Variants in COG6 observed in about 807,000 individuals in gnomAD.
COG6 encodes the protein conserved oligomeric Golgi complex subunit 6.
COG6 carries 74 observed loss-of-function variants against 88.8 expected under a neutral mutation model. The observed-to-expected ratio is 0.83, with a 90% CI of 0.69 to 1.01. The LOEUF (loss-of-function observed/expected upper bound fraction) is 1.01, where lower values mean the gene tolerates loss of function less well. Among genes scored for constraint, COG6 ranks in the 50% least tolerant of loss-of-function variants. COG6 has a pLI of 0.00. For missense variants in COG6, 800 were observed against 797.9 expected, an observed-to-expected ratio of 1.00 and a Z score of -0.03; for synonymous variants, 286 against 278.7, an observed-to-expected ratio of 1.03 and a Z score of -0.26.
intron 18 of COG6, among the ~76,000 whole-genome samples, chr13:39,758,578 G>C (rs1880918978): frequency 1.3e-5 from 2 of 152,158 alleles, no homozygotes; most frequent in South Asian, 2.1e-4. Context: ...TATAATGTTA[G>C]TAATTTTAGA....
At chr13:39,745,514 A>C (rs1489776079) in intron 18 of COG6, among the ~76,000 whole-genome samples, 2 of 152,234 alleles carry the variant, frequency 1.3e-5, no homozygotes, top group African/African-American at 2.4e-5. Context: ...TCATCAGAGA[A>C]ATGCAAATCA....
At chr13:39,701,406 T>G (rs1877569737) in intron 13 of COG6, among the ~76,000 whole-genome samples, 1 of 151,916 alleles carries the variant, frequency 6.6e-6, no homozygotes, top group Non-Finnish European at 1.5e-5. Context: ...ATATAAGAGA[T>G]AGTTGAATTC....
intron 18 of COG6, among the ~76,000 whole-genome samples, chr13:39,770,343 A>G (rs549167453): frequency 2.0e-4 from 31 of 152,226 alleles, no homozygotes; most frequent in Admixed American, 7.2e-4. Flanking sequence ...AGCAGCCAAC[A>G]TTTCCACAGG....
rs1175676878 is a variant in COG6 at position 39,679,602 on chromosome 13, C to T, written c.605C>T (p.Thr202Ile). ...AATGATGTCAAAGTTCTCTTGCGTA[C>T]AAATCAACAAACGGCAGGGTGAGTA... is the stretch of plus-strand genomic sequence containing the variant. ...IHNDVKVLLR[T>I]NQQTAGLEIM... Residue 202 changes from threonine (T) to isoleucine (I), a missense_variant, in exon 6 of 19, where the codon ACA (threonine) becomes ATA (isoleucine). Physicochemically the swap from Thr to Ile is moderately conservative, Grantham distance 89 (BLOSUM62 -1). Transcript: ENST00000455146. The T allele has an allele frequency of 1.3e-6, 2 of 1,595,572 alleles. No homozygotes were observed. Among genetic ancestry groups the T allele is most frequent in the Non-Finnish European group, 1.7e-6 (2 of 1,164,028 alleles).
Position 39,719,756 on chromosome 13 carries a change from C to A in COG6, c.1513C>A (p.Leu505Ile). 1.2e-6 allele frequency: 2 copies of A among 1,612,232 alleles called. No homozygotes were observed. The highest frequency in any genetic ancestry group is 1.7e-6 in the Non-Finnish European group (2 of 1,178,554). ...ADMATFMVNSLYMMKTTLALF... is the reference protein window; with the variant it reads ...ADMATFMVNSIYMMKTTLALF... ...CATGGCCACTTTCATGGTCAATTCA[C>A]TATATATGATGAAGACAACATTAGC... The change falls in exon 15 of 19, where the codon CTA becomes ATA. Residue 505 changes from leucine (L) to isoleucine (I), a missense_variant. Transcript: ENST00000455146.
At chr13:39,675,872 T>A (rs1022582526) in intron 4 of COG6, among the ~76,000 whole-genome samples, 9 of 152,134 alleles carry the variant, frequency 5.9e-5, no homozygotes, top group Admixed American at 3.3e-4. Context: ...CTGGAACTTT[T>A]AAAAATATAA....
intron 18 of COG6, among the ~76,000 whole-genome samples, chr13:39,778,315 C>G (rs1881524881): frequency 6.6e-6 from 1 of 152,068 alleles, no homozygotes; most frequent in Admixed American, 6.5e-5. Context: ...TGCCTAGAGC[C>G]TAGAAAAGGC....
rs981752217 is a variant in COG6 at position 39,694,777 on chromosome 13, A to C, written c.1166+52A>C. ...CTAAATCCAATGTGATATTTCTTTC[A>C]GTTAGAGCACAGTATAAGATTTTTT... is the stretch of plus-strand genomic sequence containing the variant. On this transcript the variant is annotated intron_variant, in intron 12 of 18. Coordinates refer to ENST00000455146, the MANE Select transcript of COG6 (RefSeq NM_020751.3). 4.0e-6 allele frequency: 4 copies of C among 997,326 alleles called. No homozygotes were observed. In the African/African-American group the frequency reaches 6.5e-5, roughly 16 times the overall value. The allele number at this position is 997,326 out of a possible 1,614,324, so 61.8% of individuals were successfully genotyped here.
intron 4 of COG6, 92 bp downstream of exon 4, chr13:39,665,246 A>G: frequency 1.4e-6 from 1 of 739,846 alleles, no homozygotes. Context: ...ATTAAAGCAG[A>G]ATAATAAAAA....
chr13:39,699,367 A>G, intron 12 of COG6, 134 bp from the exon 13 acceptor site: 1 of 565,000 alleles, frequency 1.8e-6, no homozygotes. Flanking sequence ...AAACTAGAGT[A>G]TTTTTAATTC....
At chr13:39,679,441 T>G (rs1210819802) in intron 5 of COG6, 97 bp from the exon 6 acceptor site, 5 of 754,942 alleles carry the variant, frequency 6.6e-6, no homozygotes, top group Non-Finnish European at 1.2e-5. Flanking sequence ...CTAAAATAGG[T>G]GAAAGAGTTT....
At chr13:39,699,795 G>T (rs560809284) in intron 13 of COG6, among the ~76,000 whole-genome samples, 177 bp downstream of exon 13, 47 of 151,720 alleles carry the variant, frequency 3.1e-4, no homozygotes, top group Non-Finnish European at 5.5e-4. Context: ...GATAGTCTTT[G>T]TTCCTGAAAC....
intron 4 of COG6, among the ~76,000 whole-genome samples, chr13:39,672,162 AAAGT>A (rs111535208): frequency 2.9e-4 from 44 of 152,154 alleles, no homozygotes; most frequent in African/African-American, 1.0e-3. Context: ...TAAGGAGTGG[AAAGT>A]ATCAAGCTGG....
intron 13 of COG6, among the ~76,000 whole-genome samples, chr13:39,713,781 AC>A (rs1303054302): frequency 6.6e-6 from 1 of 152,162 alleles, no homozygotes; most frequent in Non-Finnish European, 1.5e-5. Flanking sequence ...ACAAAGTTTA[AC>A]CATTAGAAAT....
At chr13:39,757,476 T>G (rs538947386), downstream of COG6, among the ~76,000 whole-genome samples, 1 of 149,322 alleles carries the variant, frequency 6.7e-6, no homozygotes, top group Non-Finnish European at 1.5e-5. Context: ...ACAAAGAAAA[T>G]GGAGACTAGA....
At chr13:39,783,289 G>A (rs1455594055) in intron 18 of COG6, among the ~76,000 whole-genome samples, 1 of 152,102 alleles carries the variant, frequency 6.6e-6, no homozygotes, top group Non-Finnish European at 1.5e-5. Context: ...CTTTTTAAAT[G>A]GAAATAAATA....
chr13:39,718,928 A>G (rs1331739562), intron 13 of COG6, among the ~76,000 whole-genome samples: 1 of 152,112 alleles, frequency 6.6e-6, no homozygotes, highest in African/African-American at 2.4e-5. Flanking sequence ...AAAAAATAAA[A>G]CAGTAGGCCA....
chr13:39,768,332 G>A (rs889220231), intron 18 of COG6, among the ~76,000 whole-genome samples: 2 of 152,176 alleles, frequency 1.3e-5, no homozygotes, highest in African/African-American at 4.8e-5. Context: ...ACTCCTCCTG[G>A]CCCCTACTGC....
chr13:39,719,890 T>A, intron 15 of COG6, 63 bp downstream of exon 15: 2 of 1,325,812 alleles, frequency 1.5e-6, no homozygotes, highest in South Asian at 2.4e-5. Flanking sequence ...GTGATAGCTT[T>A]AAGTTATTGG....
Sources: gnomAD v4.1 joint callset for allele counts (sites outside exome capture counted in the v4.1 genomes callset) on GRCh38, gnomAD v4.1.1 for gene constraint, MANE v1.5 for transcripts, NCBI Gene and HGNC (gene_info 2026-07-23, HGNC 2026-07-21) for gene names.